AUH: variants seen among roughly 807,000 people sequenced by gnomAD.
AUH encodes AU RNA binding methylglutaconyl-CoA hydratase, also known as methylglutaconyl-CoA hydratase, mitochondrial.
A neutral mutation model predicts 42.3 loss-of-function variants in AUH; 29 were observed. That is an observed-to-expected ratio of 0.69 (90% CI 0.51 to 0.93). The LOEUF is 0.93. Ranked by LOEUF, AUH falls within the 40% of genes least tolerant of loss-of-function variation. The probability of loss-of-function intolerance (pLI) is 0.00; values close to 1 mark genes in which losing one functional copy is unlikely to be tolerated. For missense variants in AUH, 452 were observed against 438.1 expected, an observed-to-expected ratio of 1.03 and a Z score of -0.28; for synonymous variants, 174 against 166.4, an observed-to-expected ratio of 1.05 and a Z score of -0.35.
intron 3 of AUH, among the ~76,000 whole-genome samples, chr9:91,353,845 AAGAC>A (rs1564131836): frequency 6.8e-6 from 1 of 147,916 alleles, no homozygotes; most frequent in Non-Finnish European, 1.5e-5. Context: ...AAAAAAAAAA[AAGAC>A]AGACCTACTG....
intron 6 of AUH, among the ~76,000 whole-genome samples, chr9:91,287,837 G>T (rs148141811): frequency 2.0e-5 from 3 of 152,164 alleles, no homozygotes; most frequent in East Asian, 1.9e-4. Context: ...TGTGATAATA[G>T]TGTTGATTAT....
At chr9:91,322,258 CT>C (rs1165436871) in intron 4 of AUH, among the ~76,000 whole-genome samples, 1 of 152,174 alleles carries the variant, frequency 6.6e-6, no homozygotes, top group Non-Finnish European at 1.5e-5. Flanking sequence ...CAGAAAGACA[CT>C]CTGGAACAAA....
chr9:91,268,433 A>AT (rs370080306), intron 6 of AUH, among the ~76,000 whole-genome samples: 20,675 of 147,404 alleles, frequency 0.14, 1,772 homozygotes, highest in East Asian at 0.32. Context: ...CTTCCTAGAC[A>AT]TTTTTTTTTT....
intron 4 of AUH, among the ~76,000 whole-genome samples, chr9:91,304,549 C>G (rs1828063264): frequency 6.6e-6 from 1 of 152,148 alleles, no homozygotes; most frequent in South Asian, 2.1e-4. Flanking sequence ...TTCCTTAACT[C>G]TTAACAGCAC....
At chr9:91,260,734 C>T (rs1007238191) in intron 6 of AUH, among the ~76,000 whole-genome samples, 2 of 152,144 alleles carry the variant, frequency 1.3e-5, no homozygotes, top group Non-Finnish European at 2.9e-5. Context: ...CCCACTTCTA[C>T]TGTTATATCC....
At chr9:91,238,719 C>A (rs1248827603) in intron 6 of AUH, among the ~76,000 whole-genome samples, 3 of 152,152 alleles carry the variant, frequency 2.0e-5, no homozygotes, top group Admixed American at 2.0e-4. Flanking sequence ...TAATCTCCTG[C>A]GATTATACTA....
chr9:91,256,080 T>C (rs1408730241), intron 6 of AUH, among the ~76,000 whole-genome samples: 1 of 152,158 alleles, frequency 6.6e-6, no homozygotes, highest in Non-Finnish European at 1.5e-5. Flanking sequence ...TGATCATTTG[T>C]AATATATGGA....
intron 3 of AUH, among the ~76,000 whole-genome samples, chr9:91,351,362 T>C (rs188474565): frequency 6.6e-6 from 1 of 152,360 alleles, no homozygotes; most frequent in Admixed American, 6.5e-5. Context: ...ACAGGTTATT[T>C]TCCACACTCC....
intron 4 of AUH, among the ~76,000 whole-genome samples, chr9:91,300,282 A>G (rs1330436163): frequency 6.6e-6 from 1 of 152,130 alleles, no homozygotes; most frequent in East Asian, 1.9e-4. Flanking sequence ...AATGATTTCC[A>G]GATCTCTACC....
At chr9:91,280,624 T>C (rs1208465762) in intron 6 of AUH, among the ~76,000 whole-genome samples, 2 of 151,330 alleles carry the variant, frequency 1.3e-5, no homozygotes, top group Admixed American at 1.3e-4. Flanking sequence ...CATACTCATA[T>C]TATTAATTCT....
chr9:91,301,748 C>T (rs1793357595), intron 4 of AUH, among the ~76,000 whole-genome samples: 1 of 152,150 alleles, frequency 6.6e-6, no homozygotes, highest in Non-Finnish European at 1.5e-5. Context: ...AAGAGCAAGT[C>T]TCAGGCACCA....
At chr9:91,269,952 G>A (rs1039365000) in intron 6 of AUH, among the ~76,000 whole-genome samples, 10 of 152,154 alleles carry the variant, frequency 6.6e-5, no homozygotes, top group African/African-American at 2.2e-4. Flanking sequence ...TACCTGGCTG[G>A]GTCTACAGAG....
chr9:91,272,792 A>G (rs1209655664), intron 6 of AUH, among the ~76,000 whole-genome samples: 5 of 152,220 alleles, frequency 3.3e-5, no homozygotes, highest in Non-Finnish European at 5.9e-5. Flanking sequence ...GCAGTACTCA[A>G]TAAAATAATT....
chr9:91,280,976 GTTTA>G (rs1192179420), intron 6 of AUH, among the ~76,000 whole-genome samples: 1 of 152,106 alleles, frequency 6.6e-6, no homozygotes, highest in Non-Finnish European at 1.5e-5. Context: ...ATTTTAGGGA[GTTTA>G]TTTATGATGT....
At chr9:91,344,926 C>T (rs928509844) in intron 3 of AUH, among the ~76,000 whole-genome samples, 9 of 151,758 alleles carry the variant, frequency 5.9e-5, no homozygotes, top group African/African-American at 2.2e-4. Flanking sequence ...ATCAATCATT[C>T]ACCATATTGA....
At chr9:91,308,924 G>A (rs1267091600) in intron 4 of AUH, among the ~76,000 whole-genome samples, 1 of 151,208 alleles carries the variant, frequency 6.6e-6, no homozygotes, top group East Asian at 2.0e-4. Context: ...CCAAATAGCT[G>A]GCATTACAGG....
At chr9:91,240,332 G>A (rs1395492401) in intron 6 of AUH, among the ~76,000 whole-genome samples, 1 of 152,176 alleles carries the variant, frequency 6.6e-6, no homozygotes, top group Non-Finnish European at 1.5e-5. Flanking sequence ...TCAGATGCTT[G>A]CCCTGGTGGC....
rs377561439 is a variant in AUH, at chr9:91,355,880, T to A, written c.418+3A>T. On this transcript the variant is annotated splice_donor_region_variant and intron_variant, in intron 3 of 9. Coordinates refer to ENST00000375731, the MANE Select transcript of AUH (RefSeq NM_001698.3). ...AATTTCATAATACAACATATTTACA[T>A]ACCAGCACAGAATATCCCTGGGACT... 1.2e-6 allele frequency: 2 copies of A among 1,602,094 alleles called. No homozygotes were observed. Among genetic ancestry groups the A allele is most frequent in the African/African-American group, 1.3e-5 (1 of 74,748 alleles).
chr9:91,286,208 A>G (rs1304857183), intron 6 of AUH, among the ~76,000 whole-genome samples: 1 of 152,152 alleles, frequency 6.6e-6, no homozygotes. Context: ...CAAAATGACT[A>G]CTGTGTTCAG....
Sources: gnomAD v4.1 joint callset for allele counts (sites outside exome capture counted in the v4.1 genomes callset) on GRCh38, gnomAD v4.1.1 for gene constraint, MANE v1.5 for transcripts, NCBI Gene and HGNC (gene_info 2026-07-23, HGNC 2026-07-21) for gene names.